Variants in CAPN9 observed in about 807,000 individuals in gnomAD.
CAPN9 encodes calpain 9.
A neutral mutation model predicts 92.8 loss-of-function variants in CAPN9; 81 were observed. The ratio of observed to expected loss-of-function variants is 0.87; its 90% CI spans 0.73 to 1.05. The LOEUF is 1.05. Ranked by LOEUF, CAPN9 falls within the 50% of genes least tolerant of loss-of-function variation. CAPN9 has a pLI of 0.00. For missense variants in CAPN9, 848 were observed against 866.2 expected, an observed-to-expected ratio of 0.98 and a Z score of 0.26; for synonymous variants, 304 against 328.0, an observed-to-expected ratio of 0.93 and a Z score of 0.79.
intron 1 of CAPN9, 51 bp downstream of exon 1, chr1:230,747,760 GC>G: frequency 1.3e-6 from 2 of 1,532,980 alleles, no homozygotes; most frequent in Non-Finnish European, 1.8e-6. Flanking sequence ...AGGTTCAGCA[GC>G]CCCCGCAGGA....
At chr1:230,771,172 C>T (rs1466803213) in intron 6 of CAPN9, among the ~76,000 whole-genome samples, 1 of 152,208 alleles carries the variant, frequency 6.6e-6, no homozygotes, top group Non-Finnish European at 1.5e-5. Context: ...TAAATGAGCC[C>T]CTTTAATGGT....
chr1:230,786,114 G>A (rs1667564970), intron 12 of CAPN9, 97 bp downstream of exon 12: 2 of 1,605,426 alleles, frequency 1.2e-6, no homozygotes, highest in African/African-American at 1.3e-5. Context: ...CTGCAGTTCA[G>A]GGATGGTTAC....
chr1:230,776,221 G>A (rs1378875480), intron 8 of CAPN9: 1 of 152,094 alleles, frequency 6.6e-6, no homozygotes, highest in East Asian at 1.9e-4. Context: ...TCCTCACATG[G>A]TAGAAAGAGG....
In CAPN9 at chr1:230,748,740, A is replaced by C. The variant is rs1664585720; in HGVS notation, c.213+1031A>C. Among the ~76,000 whole-genome samples, 5 of 152,272 alleles carry C rather than the reference A, an allele frequency of 3.3e-5. No individual in the cohort carries two copies. In the South Asian group the frequency reaches 1.0e-3, roughly 32 times the overall value. ...TTATTAGCTCTGAGTCTCATCTTAC[A>C]TATGAGTAGCAAAGGACTCATCATA... is the stretch of plus-strand genomic sequence containing the variant. On this transcript the variant is annotated intron_variant, in intron 1 of 19. Transcript: ENST00000271971.
In CAPN9 at chr1:230,792,863, G is replaced by A. The variant is rs922168857; in HGVS notation, c.1805G>A (p.Arg602Gln). 1.4e-5 allele frequency: 23 copies of A among 1,613,858 alleles called. No homozygotes were observed. The highest frequency in any genetic ancestry group is 1.6e-4 in the Middle Eastern group (1 of 6,084). The stretch of plus-strand genomic sequence containing the variant: ...TCCACCCTTTAGAACCTTTTCCTTC[G>A]GTTTGATGCTGACAAGTCCGGCACC... ...KLKQWINLFLRFDADKSGTMS... is the reference protein window; with the variant it reads ...KLKQWINLFLQFDADKSGTMS... Residue 602 changes from arginine (R) to glutamine (Q), a missense_variant, in exon 17 of 20, where the codon CGG becomes CAG. Physicochemically the swap from Arg to Gln is conservative, Grantham distance 43 (BLOSUM62 1). Transcript: ENST00000271971.
chr1:230,752,420 T>A (rs968594903), intron 1 of CAPN9, among the ~76,000 whole-genome samples: 1 of 152,258 alleles, frequency 6.6e-6, no homozygotes, highest in Non-Finnish European at 1.5e-5. Flanking sequence ...GGAGAGTTTC[T>A]GAGTTTTTTC....
At chr1:230,755,147 G>T (rs74317950) in intron 1 of CAPN9, among the ~76,000 whole-genome samples, 190 bp from the exon 2 acceptor site, 85 of 152,292 alleles carry the variant, frequency 5.6e-4, no homozygotes, top group Middle Eastern at 3.4e-3. Flanking sequence ...ATTTACCAAA[G>T]ATGAGCCCAG....
chr1:230,783,763 T>C (rs930062846), intron 11 of CAPN9, among the ~76,000 whole-genome samples: 1 of 152,170 alleles, frequency 6.6e-6, no homozygotes, highest in Non-Finnish European at 1.5e-5. Context: ...ACTGAAAATG[T>C]GGAAGTGACT....
chr1:230,774,937 C>T (rs1666654351), intron 8 of CAPN9, among the ~76,000 whole-genome samples: 1 of 151,814 alleles, frequency 6.6e-6, no homozygotes, highest in Non-Finnish European at 1.5e-5. Flanking sequence ...GATGGGGTTT[C>T]ACCGTGTTGG....
intron 11 of CAPN9, among the ~76,000 whole-genome samples, chr1:230,781,305 G>A (rs1041732432): frequency 7.2e-5 from 11 of 152,148 alleles, no homozygotes; most frequent in Non-Finnish European, 1.5e-4. Context: ...GACATTCTTG[G>A]GTGGAGACCT....
In CAPN9 at chr1:230,755,330, C is replaced by T; in HGVS notation, c.214-7C>T. On this transcript the variant is annotated splice_polypyrimidine_tract_variant and splice_region_variant and intron_variant, in intron 1 of 19. Transcript: ENST00000271971. ...GCCTCAGCCTAATAACACTCTCATT[C>T]CTCCAGGAAATCGTGAAAAACCCAG... 1 of 1,608,758 alleles carries T rather than the reference C, an allele frequency of 6.2e-7. No homozygotes were observed. The highest frequency in any genetic ancestry group is 8.5e-7 in the Non-Finnish European group (1 of 1,176,912).
chr1:230,784,144 T>C (rs1038862738), intron 11 of CAPN9, among the ~76,000 whole-genome samples: 5 of 152,152 alleles, frequency 3.3e-5, no homozygotes, highest in African/African-American at 1.2e-4. Context: ...TACTCAGATA[T>C]GGGAGCAAAG....
chr1:230,752,706 T>A (rs181297351), intron 1 of CAPN9: 2,077 of 985,294 alleles, frequency 2.1e-3, no homozygotes, highest in Admixed American at 2.5e-3. Context: ...GTACATTTTA[T>A]GTCCACTTGA....
chr1:230,752,586 A>C (rs757211782), intron 1 of CAPN9: 1 of 718,466 alleles, frequency 1.4e-6, no homozygotes, highest in Non-Finnish European at 1.7e-6. Flanking sequence ...GGCCTGCAGA[A>C]GGCTGGGGGA....
At position 230,755,377 on chromosome 1, in the gene CAPN9, C is replaced by T. The variant is rs772623558; in HGVS notation, c.254C>T (p.Thr85Ile). The T allele has an allele frequency of 1.9e-6, 3 of 1,609,252 alleles. No individual in the cohort carries two copies. Among genetic ancestry groups the T allele is most frequent in the South Asian group, 2.2e-5 (2 of 90,072 alleles). The change falls in exon 2 of 20, where the codon ACC becomes ATC. Residue 85 changes from threonine to isoleucine, a missense_variant. Physicochemically the swap from Thr to Ile is moderately conservative, Grantham distance 89 (BLOSUM62 -1). Coordinates refer to ENST00000271971, the MANE Select transcript of CAPN9 (RefSeq NM_006615.3). ...KNPEFILGGA[T>I]RTDICQGELG... ...CCAGAATTCATTCTTGGAGGGGCCA[C>T]CAGGACTGATATCTGCCAGGGAGAG... is the stretch of plus-strand genomic sequence containing the variant.
chr1:230,799,311 C>A (rs143540977), intron 19 of CAPN9, among the ~76,000 whole-genome samples: 2,648 of 152,292 alleles, frequency 0.017, 47 homozygotes, highest in Middle Eastern at 0.085. Flanking sequence ...CTGCTCGGTG[C>A]CTCAGTTTAA....
At position 230,779,020 on chromosome 1, in the gene CAPN9, G is replaced by A; in HGVS notation, c.1001G>A (p.Cys334Tyr). The A allele has an allele frequency of 6.2e-7, 1 of 1,612,854 alleles. No individual in the cohort carries two copies. Among genetic ancestry groups the A allele is most frequent in the Non-Finnish European group, 8.5e-7 (1 of 1,179,584 alleles). Reference protein sequence around the residue: ...FKAHFDKVEICNLTPDALEED... With the variant: ...FKAHFDKVEIYNLTPDALEED... ...GCCCACTTTGATAAAGTGGAGATCT[G>A]CAACCTCACTCCCGATGCCCTGGAG... is the stretch of plus-strand genomic sequence containing the variant. The change falls in exon 9 of 20, where the codon TGC becomes TAC. Residue 334 changes from cysteine to tyrosine, a missense_variant. Cys to Tyr is a radical substitution (Grantham distance 194, BLOSUM62 -2). Transcript: ENST00000271971.
chr1:230,779,056 T>C lies in CAPN9; in HGVS notation c.1037T>C (p.Ile346Thr). Residue 346 changes from isoleucine to threonine, a missense_variant, in exon 9 of 20, where the codon ATC (isoleucine) becomes ACC (threonine). Ile to Thr is a moderately conservative substitution (Grantham distance 89). Transcript: ENST00000271971. ...CCCGATGCCCTGGAGGAAGACGCGA[T>C]CCACAAATGGGAGGTGACGGTCCAT... ...LTPDALEEDA[I>T]HKWEVTVHQG... 3 of 1,613,708 alleles carry C rather than the reference T, an allele frequency of 1.9e-6. No individual in the cohort carries two copies. The highest frequency in any genetic ancestry group is 2.5e-6 in the Non-Finnish European group (3 of 1,179,974).
chr1:230,792,655 A>C (rs988839797), intron 16 of CAPN9, among the ~76,000 whole-genome samples, 161 bp downstream of exon 16: 2 of 152,172 alleles, frequency 1.3e-5, no homozygotes, highest in Non-Finnish European at 2.9e-5. Flanking sequence ...TGCTTACGGG[A>C]GTACCACCGT....
Sources: allele counts gnomAD v4.1 joint callset (sites outside exome capture counted in the v4.1 genomes callset), GRCh38; gene constraint gnomAD v4.1.1; transcripts MANE v1.5; gene names NCBI Gene and HGNC (gene_info 2026-07-23, HGNC 2026-07-21).